Variants in PDE1C observed in about 807,000 individuals in gnomAD.
The protein encoded by PDE1C is dual specificity calcium/calmodulin-dependent 3',5'-cyclic nucleotide phosphodiesterase 1C.
In PDE1C, 62 loss-of-function variants were observed where a neutral mutation model predicts 93.1. That is an observed-to-expected ratio of 0.67 (90% confidence interval 0.54 to 0.82). PDE1C has a LOEUF of 0.82. Ranked by LOEUF, PDE1C falls within the 40% of genes least tolerant of loss-of-function variation. PDE1C has a pLI of 0.00. For synonymous variants in PDE1C, 325 were observed against 310.1 expected (o/e 1.05, Z -0.50); for missense variants, 742 against 884.6 (o/e 0.84, Z 2.04).
the PDE1C span, chr7:31,707,294 CCT>C: frequency 1.6e-5 from 26 of 1,607,686 alleles, no homozygotes; most frequent in African/African-American, 1.7e-4. Flanking sequence ...AGATAGTTCC[CCT>C]GAGACCACTT....
intron 3 of PDE1C, among the ~76,000 whole-genome samples, chr7:32,108,228 G>GAAAAAA (rs1437687888): frequency 1.0e-4 from 1 of 9,988 alleles, no homozygotes. Flanking sequence ...AAAAAAGCAA[G>GAAAAAA]ACAAAAAAAA....
At chr7:32,064,897 A>G (rs1346053511) in intron 1 of PDE1C, among the ~76,000 whole-genome samples, 1 of 152,068 alleles carries the variant, frequency 6.6e-6, no homozygotes, top group African/African-American at 2.4e-5. Flanking sequence ...CTACACTTCT[A>G]TCTGTCCCTC....
In PDE1C at chr7:32,169,796, CT is replaced by C. The variant is rs759257825; in HGVS notation, c.296del (p.Lys99ArgfsTer13). ...GCAATCCACCAAACCTGAAGGATGT[CT>C]TCACCAAGACTTCTGGGCTATCCAG... is the stretch of plus-strand genomic sequence containing the variant. On this transcript the variant is annotated frameshift_variant, in exon 3 of 19. Coordinates refer to the PDE1C transcript ENST00000396193. LOFTEE classifies it high-confidence loss of function. 1 of 1,612,422 alleles carries C rather than the reference CT, an allele frequency of 6.2e-7. No individual in the cohort carries two copies. The highest frequency in any genetic ancestry group is 1.3e-5 in the African/African-American group (1 of 74,918).
chr7:31,807,878 A>G (rs1787052533), intron 16 of PDE1C, among the ~76,000 whole-genome samples: 1 of 151,944 alleles, frequency 6.6e-6, no homozygotes, highest in South Asian at 2.1e-4. Context: ...ACAATTATTC[A>G]AGAAGGGTAC....
intron 1 of PDE1C, among the ~76,000 whole-genome samples, chr7:32,343,350 A>G (rs953478777): frequency 1.3e-5 from 2 of 152,204 alleles, no homozygotes; most frequent in Admixed American, 6.5e-5. Flanking sequence ...TGTGTGTTCC[A>G]TAACTTCTCT....
chr7:32,142,211 AGAG>A (rs1271580491), intron 3 of PDE1C, among the ~76,000 whole-genome samples: 4 of 152,180 alleles, frequency 2.6e-5, no homozygotes, highest in East Asian at 1.9e-4. Flanking sequence ...AGGAGGAAAT[AGAG>A]GAGAAGGAAC....
chr7:31,816,267 T>C, intron 14 of PDE1C, 113 bp from the exon 15 acceptor site: 1 of 970,480 alleles, frequency 1.0e-6, no homozygotes, highest in Non-Finnish European at 1.5e-6. Context: ...ACTGAGTGTT[T>C]GGGTACATTT....
rs142851849 is a variant in PDE1C, at chr7:32,047,710, GT to G, written c.128+3843del. On this transcript the variant is annotated intron_variant, in intron 2 of 17. Coordinates refer to ENST00000396191, the MANE Select transcript of PDE1C (RefSeq NM_001191057.4). ...ATGACAATTACTTTGAAAGCTGTGG[GT>G]TTTTTTTTTCTTTAACAAGGTTTTG... Among the ~76,000 whole-genome samples, 470 of 149,340 alleles carry G rather than the reference GT, an allele frequency of 3.1e-3. 7 individuals carry two copies. The highest frequency in any genetic ancestry group is 0.01 in the African/African-American group (427 of 40,808).
intron 3 of PDE1C, among the ~76,000 whole-genome samples, chr7:32,088,170 C>T (rs1463423637): frequency 6.6e-6 from 1 of 151,798 alleles, no homozygotes; most frequent in Non-Finnish European, 1.5e-5. Context: ...CTAATAAATG[C>T]ATCATCATAA....
the PDE1C span, chr7:31,642,366 G>A: frequency 1.3e-6 from 1 of 780,794 alleles, no homozygotes; most frequent in South Asian, 1.9e-5. Flanking sequence ...CAGAAAGAGG[G>A]GTGTTTTAAA....
At chr7:32,206,850 C>T (rs1366528980) in intron 2 of PDE1C, among the ~76,000 whole-genome samples, 3 of 152,216 alleles carry the variant, frequency 2.0e-5, no homozygotes, top group Non-Finnish European at 4.4e-5. Context: ...TGCATTCACA[C>T]AGCGCACTCA....
intron 1 of PDE1C, among the ~76,000 whole-genome samples, chr7:32,229,171 T>C (rs547353845): frequency 2.6e-5 from 4 of 152,232 alleles, no homozygotes; most frequent in African/African-American, 7.2e-5. Context: ...ATATGAGTCC[T>C]GGGCTTTTTC....
At chr7:32,034,586 T>G (rs2128644128) in intron 2 of PDE1C, among the ~76,000 whole-genome samples, 1 of 152,308 alleles carries the variant, frequency 6.6e-6, no homozygotes, top group South Asian at 2.1e-4. Flanking sequence ...CCAGTCATGC[T>G]TGGCTTCAAA....
At chr7:31,720,067 G>T in the PDE1C span, among the ~76,000 whole-genome samples, 3 of 149,920 alleles carry the variant, frequency 2.0e-5, no homozygotes, top group Non-Finnish European at 4.4e-5. Context: ...GGAGGCTGAG[G>T]CAGGAGAATG....
intron 3 of PDE1C, among the ~76,000 whole-genome samples, chr7:32,097,293 A>G (rs779436077): frequency 6.6e-6 from 1 of 152,222 alleles, no homozygotes; most frequent in Non-Finnish European, 1.5e-5. Context: ...TAAAGGTGAA[A>G]CATAAAATTA....
chr7:32,051,669 G>T, intron 1 of PDE1C, 89 bp from the exon 2 acceptor site: 3 of 1,031,794 alleles, frequency 2.9e-6, no homozygotes, highest in Non-Finnish European at 4.6e-6. Flanking sequence ...ATGGGCATGG[G>T]GGTCAACACT....
intron 2 of PDE1C, among the ~76,000 whole-genome samples, chr7:31,949,109 G>A (rs750800452): frequency 6.6e-6 from 1 of 152,076 alleles, no homozygotes; most frequent in Non-Finnish European, 1.5e-5. Flanking sequence ...CTTTTAGACT[G>A]ATGAAAATAT....
chr7:32,425,619 G>A (rs943398387), intron 1 of PDE1C, among the ~76,000 whole-genome samples: 4 of 152,182 alleles, frequency 2.6e-5, no homozygotes, highest in Non-Finnish European at 4.4e-5. Context: ...CATTATAAAT[G>A]TGTGAATAAA....
the PDE1C span, among the ~76,000 whole-genome samples, chr7:31,688,340 G>A: frequency 6.6e-6 from 1 of 152,220 alleles, no homozygotes; most frequent in Non-Finnish European, 1.5e-5. Flanking sequence ...TTGACTCACA[G>A]CATCCAATCT....
Sources: allele counts gnomAD v4.1 joint callset (sites outside exome capture counted in the v4.1 genomes callset), GRCh38; gene constraint gnomAD v4.1.1; transcripts MANE v1.5; gene names NCBI Gene and HGNC (gene_info 2026-07-23, HGNC 2026-07-21).